The following TACR3 variants were observed in gnomAD, a reference collection of about 807,000 sequenced individuals.
TACR3 encodes the protein neuromedin-K receptor.
In TACR3, 34 loss-of-function variants were observed where a neutral mutation model predicts 35.0. That is an observed-to-expected ratio of 0.97 (90% CI 0.74 to 1.30). TACR3 has a LOEUF of 1.30. TACR3 is among the 50% of genes most tolerant of loss of function. The pLI is 0.00. For synonymous variants in TACR3, 233 were observed against 221.1 expected, an observed-to-expected ratio of 1.05 and a Z score of -0.48; for missense variants, 558 against 591.7, an observed-to-expected ratio of 0.94 and a Z score of 0.59.
intron 3 of TACR3, among the ~76,000 whole-genome samples, chr4:103,602,898 C>T (rs992212792): frequency 6.6e-6 from 1 of 152,188 alleles, no homozygotes; most frequent in Non-Finnish European, 1.5e-5. Flanking sequence ...CTGGGAGCAC[C>T]ACTACTCTCT....
At position 103,606,553 on chromosome 4, in the gene TACR3, T is replaced by C. The variant is rs535203680; in HGVS notation, c.889-14870A>G. On this transcript the variant is annotated intron_variant, in intron 3 of 4. Transcript: ENST00000304883. Reference sequence around the variant, plus strand: ...AGAGCTCCTTCATATCCCTTGTAAGTTGGATTCCTAGGTATTTTATTTTCT... The same window carrying C: ...AGAGCTCCTTCATATCCCTTGTAAGCTGGATTCCTAGGTATTTTATTTTCT... Among the ~76,000 whole-genome samples the C allele has an allele frequency of 3.3e-5, 5 of 152,278 alleles. No homozygotes were observed. In the South Asian group the frequency reaches 1.0e-3, roughly 32 times the overall value.
At chr4:103,718,508 G>C (rs76223995) in intron 1 of TACR3, among the ~76,000 whole-genome samples, 2 of 152,182 alleles carry the variant, frequency 1.3e-5, no homozygotes, top group Admixed American at 1.3e-4. Flanking sequence ...CAGATTACTG[G>C]AAATTAAATC....
chr4:103,627,825 A>G (rs1270390905), intron 3 of TACR3, among the ~76,000 whole-genome samples: 1 of 152,178 alleles, frequency 6.6e-6, no homozygotes, highest in Non-Finnish European at 1.5e-5. Context: ...CTCCACCCCC[A>G]TATCAACAGA....
chr4:103,594,775 C>T (rs1423403198), intron 3 of TACR3, among the ~76,000 whole-genome samples: 1 of 152,134 alleles, frequency 6.6e-6, no homozygotes, highest in African/African-American at 2.4e-5. Flanking sequence ...TTTTAACTCA[C>T]ATACAGAGGG....
At chr4:103,615,229 T>C (rs542212540) in intron 3 of TACR3, among the ~76,000 whole-genome samples, 1 of 152,218 alleles carries the variant, frequency 6.6e-6, no homozygotes, top group African/African-American at 2.4e-5. Context: ...GAGAAGACCA[T>C]GGTCGTGAGC....
chr4:103,700,186 C>A (rs2110222715), intron 1 of TACR3, among the ~76,000 whole-genome samples: 1 of 152,208 alleles, frequency 6.6e-6, no homozygotes, highest in Non-Finnish European at 1.5e-5. Flanking sequence ...GGTGTAAATA[C>A]TTCTCCCATG....
intron 1 of TACR3, among the ~76,000 whole-genome samples, chr4:103,682,207 T>C (rs1722115587): frequency 6.6e-6 from 1 of 152,120 alleles, no homozygotes; most frequent in South Asian, 2.1e-4. Flanking sequence ...TCATGGCTTA[T>C]GGCCACCTCA....
At position 103,695,711 on chromosome 4, in the gene TACR3, C is replaced by CTGTGTG. The variant is rs10603685; in HGVS notation, c.548+23411_548+23416dup. Among the ~76,000 whole-genome samples, 485 of 146,194 alleles carry CTGTGTG rather than the reference C, an allele frequency of 3.3e-3. 1 individual carries two copies. The highest frequency in any genetic ancestry group is 0.011 in the African/African-American group (444 of 40,212). On this transcript the variant is annotated intron_variant, in intron 1 of 4. Transcript: ENST00000304883. Reference sequence around the variant, plus strand: ...ACAGAATATAGATATGTCTCTCTCTCTGTGTGTGTGTGTGTGTGTGTGTGT... The same window carrying CTGTGTG: ...ACAGAATATAGATATGTCTCTCTCTCTGTGTGTGTGTGTGTGTGTGTGTGTGTGTGT...
intron 1 of TACR3, among the ~76,000 whole-genome samples, chr4:103,693,143 A>G (rs1442844684): frequency 6.6e-6 from 1 of 152,126 alleles, no homozygotes; most frequent in Non-Finnish European, 1.5e-5. Context: ...TGCATACATT[A>G]TATCATTATG....
intron 3 of TACR3, among the ~76,000 whole-genome samples, chr4:103,603,395 C>G (rs1158363685): frequency 6.6e-6 from 1 of 152,210 alleles, no homozygotes; most frequent in African/African-American, 2.4e-5. Context: ...TGCGCTGCAC[C>G]CACTGTCTTG....
chr4:103,650,708 TAAATATATA>T, intron 3 of TACR3, among the ~76,000 whole-genome samples: 1 of 47,154 alleles, frequency 2.1e-5, no homozygotes, highest in African/African-American at 2.6e-4. Context: ...TTTATATATA[TAAATATATA>T]TAAATAAATA....
intron 3 of TACR3, among the ~76,000 whole-genome samples, chr4:103,596,373 TAA>T (rs1381178260): frequency 6.6e-6 from 1 of 151,840 alleles, no homozygotes; most frequent in African/African-American, 2.4e-5. Flanking sequence ...ACCAACAGTG[TAA>T]AAGTGTTCCT....
At chr4:103,617,902 C>T (rs992467225) in intron 3 of TACR3, among the ~76,000 whole-genome samples, 1 of 151,998 alleles carries the variant, frequency 6.6e-6, no homozygotes, top group African/African-American at 2.4e-5. Flanking sequence ...GTTTATCAGG[C>T]ACCTGGGGGA....
chr4:103,656,290 A>G lies in TACR3; in HGVS notation c.792T>C (p.Gly264=). ...TAATTCCAACAATGGTGTATGTAAT[A>G]CCCATGATGAGCAATGGGAAACAGT... ...LVYCFPLLIM[G]ITYTIVGITL... Residue 264 remains glycine (G), a synonymous_variant, in exon 3 of 5, where the codon GGT becomes GGC. Coordinates refer to ENST00000304883, the MANE Select transcript of TACR3 (RefSeq NM_001059.3). 5 of 1,612,708 alleles carry G rather than the reference A, an allele frequency of 3.1e-6. No individual in the cohort carries two copies. Among genetic ancestry groups the G allele is most frequent in the Non-Finnish European group, 4.2e-6 (5 of 1,179,000 alleles).
intron 3 of TACR3, among the ~76,000 whole-genome samples, chr4:103,650,551 A>ATT (rs1297528959): frequency 7.9e-5 from 10 of 126,550 alleles, no homozygotes; most frequent in African/African-American, 8.9e-5. Context: ...ATATAAAATA[A>ATT]ATTTAATAAA....
chr4:103,598,418 A>G (rs1337440566), intron 3 of TACR3, among the ~76,000 whole-genome samples: 1 of 152,100 alleles, frequency 6.6e-6, no homozygotes, highest in African/African-American at 2.4e-5. Flanking sequence ...GTTCACTCTG[A>G]TGGTAGTTTC....
At chr4:103,677,904 C>T (rs1452197147) in intron 1 of TACR3, among the ~76,000 whole-genome samples, 2 of 150,516 alleles carry the variant, frequency 1.3e-5, no homozygotes, top group Non-Finnish European at 3.0e-5. Context: ...AAAGGTGGTT[C>T]TTAGGTAGTT....
intron 1 of TACR3, among the ~76,000 whole-genome samples, chr4:103,671,083 T>G (rs975478454): frequency 6.6e-6 from 1 of 152,026 alleles, no homozygotes; most frequent in Admixed American, 6.6e-5. Flanking sequence ...ATTTTTTGTC[T>G]TTCATTCTGT....
chr4:103,611,306 G>A (rs1296120399), intron 3 of TACR3, among the ~76,000 whole-genome samples: 1 of 152,024 alleles, frequency 6.6e-6, no homozygotes, highest in Non-Finnish European at 1.5e-5. Flanking sequence ...TTTTGTTAAT[G>A]TTTCATAGTT....
Sources: gnomAD v4.1 joint callset for allele counts (sites outside exome capture counted in the v4.1 genomes callset) on GRCh38, gnomAD v4.1.1 for gene constraint, MANE v1.5 for transcripts, NCBI Gene and HGNC (gene_info 2026-07-23, HGNC 2026-07-21) for gene names.